The following ARHGEF7 variants were observed in gnomAD, a reference collection of about 807,000 sequenced individuals.
The protein encoded by ARHGEF7 is PAK-interacting exchange factor beta.
In ARHGEF7, 33 loss-of-function variants were observed where a neutral mutation model predicts 109.8. That is an observed-to-expected ratio of 0.30 (90% CI 0.23 to 0.40). The LOEUF (loss-of-function observed/expected upper bound fraction) is 0.40, where lower values mean the gene tolerates loss of function less well. Ranked by LOEUF, ARHGEF7 falls within the 10% of genes least tolerant of loss-of-function variation. The pLI is 1.00. For missense variants in ARHGEF7, 938 were observed against 1,098.5 expected, an observed-to-expected ratio of 0.85 and a Z score of 2.07; for synonymous variants, 458 against 424.6, an observed-to-expected ratio of 1.08 and a Z score of -0.97.
At position 111,153,886 on chromosome 13, in the gene ARHGEF7, C is replaced by A; in HGVS notation, c.166-19C>A. 6.3e-7 allele frequency: 1 copy of A among 1,592,866 alleles called. No individual in the cohort carries two copies. The highest frequency in any genetic ancestry group is 8.5e-7 in the Non-Finnish European group (1 of 1,172,192). On this transcript the variant is annotated intron_variant, in intron 1 of 21. Coordinates refer to ENST00000646102, the MANE Select transcript of ARHGEF7 (RefSeq NM_001354046.2). ...CCGCTGCCGGCCACGGCGCTCAGCG[C>A]TTGTGCTCTGTATTGCAGGTCTACC...
intron 2 of ARHGEF7, among the ~76,000 whole-genome samples, chr13:111,188,960 T>C (rs2079556805): frequency 6.6e-6 from 1 of 152,214 alleles, no homozygotes; most frequent in Non-Finnish European, 1.5e-5. Context: ...AGTTCCTACA[T>C]TTCAGTGTTT....
chr13:111,234,163 G>A (rs2086476666), intron 6 of ARHGEF7, among the ~76,000 whole-genome samples: 1 of 152,140 alleles, frequency 6.6e-6, no homozygotes, highest in Admixed American at 6.5e-5. Context: ...TGAATTGTTG[G>A]TGTGAAACAG....
chr13:111,120,450 T>C (rs1436843981), intron 1 of ARHGEF7, among the ~76,000 whole-genome samples: 2 of 151,422 alleles, frequency 1.3e-5, no homozygotes, highest in African/African-American at 2.4e-5. Context: ...AACATGCACA[T>C]ACGTAAACAC....
intron 4 of ARHGEF7, among the ~76,000 whole-genome samples, chr13:111,215,861 C>G (rs1418294300): frequency 6.6e-6 from 1 of 152,110 alleles, no homozygotes; most frequent in East Asian, 1.9e-4. Flanking sequence ...ACCTGGGACA[C>G]TCCCCCTGAC....
intron 19 of ARHGEF7, among the ~76,000 whole-genome samples, chr13:111,296,512 A>T (rs980672872): frequency 2.0e-5 from 3 of 152,110 alleles, no homozygotes; most frequent in Admixed American, 6.6e-5. Context: ...GAAGTGCTGG[A>T]TTGGTGTTAA....
intron 9 of ARHGEF7, among the ~76,000 whole-genome samples, chr13:111,271,959 A>G (rs1281137012): frequency 6.6e-6 from 1 of 152,230 alleles, no homozygotes; most frequent in Non-Finnish European, 1.5e-5. Flanking sequence ...TACTGTTTTT[A>G]CACAGCATAG....
intron 9 of ARHGEF7, among the ~76,000 whole-genome samples, chr13:111,270,539 G>T (rs1371303767): frequency 6.6e-6 from 1 of 152,112 alleles, no homozygotes; most frequent in African/African-American, 2.4e-5. Context: ...GATATTAGAA[G>T]GAGTTTTGCT....
intron 6 of ARHGEF7, among the ~76,000 whole-genome samples, chr13:111,236,734 A>C (rs1249798353): frequency 6.6e-6 from 1 of 152,196 alleles, no homozygotes; most frequent in African/African-American, 2.4e-5. Flanking sequence ...TGGGAGGCCT[A>C]GTAGGGAGGA....
intron 8 of ARHGEF7, among the ~76,000 whole-genome samples, chr13:111,249,685 G>A (rs546013822): frequency 1.3e-5 from 2 of 152,114 alleles, no homozygotes; most frequent in Admixed American, 6.5e-5. Context: ...AATAGAACTC[G>A]GTTTTAGGGC....
chr13:111,168,660 C>A (rs1210212903), intron 2 of ARHGEF7, among the ~76,000 whole-genome samples: 1 of 152,118 alleles, frequency 6.6e-6, no homozygotes, highest in Non-Finnish European at 1.5e-5. Context: ...TCCATTCCCA[C>A]CCCCAGAAAA....
chr13:111,302,826 C>G (rs1222353013), intron 21 of ARHGEF7, among the ~76,000 whole-genome samples, 165 bp from the exon 22 acceptor site: 1 of 152,230 alleles, frequency 6.6e-6, no homozygotes, highest in Non-Finnish European at 1.5e-5. Context: ...CCACCCTGTC[C>G]AGGTGTTTGA....
intron 8 of ARHGEF7, among the ~76,000 whole-genome samples, chr13:111,246,279 T>C (rs1481780215): frequency 6.6e-6 from 1 of 152,214 alleles, no homozygotes; most frequent in Non-Finnish European, 1.5e-5. Flanking sequence ...TTTATTCATA[T>C]AACCCCCAGA....
chr13:111,275,359 C>A (rs1475640524), intron 11 of ARHGEF7, among the ~76,000 whole-genome samples, 173 bp from the exon 12 acceptor site: 1 of 152,180 alleles, frequency 6.6e-6, no homozygotes, highest in African/African-American at 2.4e-5. Flanking sequence ...TTTCATACTT[C>A]TAAGCAAATA....
chr13:111,234,203 A>AT (rs1457117806), intron 6 of ARHGEF7, among the ~76,000 whole-genome samples: 1 of 152,058 alleles, frequency 6.6e-6, no homozygotes, highest in Non-Finnish European at 1.5e-5. Flanking sequence ...TGCAGCAGTC[A>AT]TTTTCTTGTG....
chr13:111,131,344 G>A lies in ARHGEF7; in HGVS notation c.165+15653G>A, dbSNP rs866838465. Among the ~76,000 whole-genome samples, 27 of 152,078 alleles carry A rather than the reference G, an allele frequency of 1.8e-4. No homozygotes were observed. Among genetic ancestry groups the A allele is most frequent in the African/African-American group, 5.8e-4 (24 of 41,404 alleles). On this transcript the variant is annotated intron_variant, in intron 1 of 21. Coordinates refer to ENST00000646102, the MANE Select transcript of ARHGEF7 (RefSeq NM_001354046.2). This position sits in a 1 kb window ranked among gnomAD's most constrained non-coding sequence, Gnocchi z 4.4. Reference sequence around the variant, plus strand: ...GCACAACAGGATAGATGGGGCGGTCGCCTGTGCTGGAGCCCTGGGCGAGGC... The same window carrying A: ...GCACAACAGGATAGATGGGGCGGTCACCTGTGCTGGAGCCCTGGGCGAGGC...
chr13:111,128,828 A>G (rs548634997), intron 1 of ARHGEF7, among the ~76,000 whole-genome samples: 4 of 152,212 alleles, frequency 2.6e-5, no homozygotes, highest in Non-Finnish European at 5.9e-5. Context: ...CTATAGATTC[A>G]ACAGAGTCAC....
At chr13:111,217,646 A>G (rs753454100) in intron 4 of ARHGEF7, 33 bp from the exon 5 acceptor site, 4 of 1,570,256 alleles carry the variant, frequency 2.5e-6, no homozygotes, top group African/African-American at 2.7e-5. Context: ...TGTTCTTGGT[A>G]TAATTTTTCT....
chr13:111,290,270 A>G (rs1430418518), intron 18 of ARHGEF7, among the ~76,000 whole-genome samples: 1 of 152,270 alleles, frequency 6.6e-6, no homozygotes, highest in Non-Finnish European at 1.5e-5. Context: ...AACCAACTGC[A>G]GATAACTACT....
Position 111,277,756 on chromosome 13 carries a change from G to C in ARHGEF7, c.1506+83G>C. 6 of 945,418 alleles carry C rather than the reference G, an allele frequency of 6.3e-6. 1 individual carries two copies. The highest frequency in any genetic ancestry group is 1.0e-5 in the Non-Finnish European group (6 of 593,148). 58.6% of individuals were successfully genotyped at this position (945,418 alleles called of 1,614,324 possible). On this transcript the variant is annotated intron_variant, in intron 13 of 21. Transcript: ENST00000646102. Reference sequence around the variant, plus strand: ...CTTTGAATTTTGTGTTAAATATTACGTGTATCTATCTGTGTATGTGCTGTG... The same window carrying C: ...CTTTGAATTTTGTGTTAAATATTACCTGTATCTATCTGTGTATGTGCTGTG...
Sources: allele counts gnomAD v4.1 joint callset (sites outside exome capture counted in the v4.1 genomes callset), GRCh38; gene constraint gnomAD v4.1.1; non-coding constraint Gnocchi (gnomAD v3.1); transcripts MANE v1.5; gene names NCBI Gene and HGNC (gene_info 2026-07-23, HGNC 2026-07-21).